FHIT: variants seen among roughly 807,000 people sequenced by gnomAD.
FHIT encodes the protein fragile histidine triad diadenosine triphosphatase, also known as bis(5'-adenosyl)-triphosphatase.
A neutral mutation model predicts 17.9 loss-of-function variants in FHIT; 19 were observed. The ratio of observed to expected loss-of-function variants is 1.06; its 90% CI spans 0.74 to 1.56. FHIT has a LOEUF of 1.56. FHIT is among the 40% of genes most tolerant of loss of function. FHIT has a pLI of 0.00. For missense variants in FHIT, 248 were observed against 189.2 expected (o/e 1.31, Z -1.82); for synonymous variants, 81 against 69.7 (o/e 1.16, Z -0.81).
chr3:60,985,672 C>G (rs868193854), intron 3 of FHIT, among the ~76,000 whole-genome samples: 2 of 152,230 alleles, frequency 1.3e-5, no homozygotes, highest in Non-Finnish European at 2.9e-5. Context: ...GGTTCCACCC[C>G]CAGAGTTTCT....
chr3:60,360,693 C>G (rs1051872361), intron 5 of FHIT, among the ~76,000 whole-genome samples: 6 of 152,154 alleles, frequency 3.9e-5, no homozygotes, highest in African/African-American at 1.4e-4. Context: ...TAAACCTGTT[C>G]TTTAATTCAA....
At chr3:60,238,001 C>T (rs997504146) in intron 5 of FHIT, among the ~76,000 whole-genome samples, 2 of 151,902 alleles carry the variant, frequency 1.3e-5, no homozygotes, top group Admixed American at 6.6e-5. Flanking sequence ...AAAAAATCAG[C>T]CAGGAATGGT....
intron 7 of FHIT, among the ~76,000 whole-genome samples, chr3:59,993,651 T>C (rs1435208254): frequency 6.6e-6 from 1 of 151,916 alleles, no homozygotes; most frequent in Non-Finnish European, 1.5e-5. Flanking sequence ...CTGAGGTTAT[T>C]ACCCACTTTC....
At chr3:59,966,601 T>C (rs1005296559) in intron 7 of FHIT, among the ~76,000 whole-genome samples, 1 of 152,138 alleles carries the variant, frequency 6.6e-6, no homozygotes, top group African/African-American at 2.4e-5. Flanking sequence ...AATACTGTAG[T>C]TAATGGTAAC....
intron 5 of FHIT, among the ~76,000 whole-genome samples, chr3:60,228,427 A>G (rs1704319792): frequency 1.3e-5 from 2 of 152,188 alleles, no homozygotes; most frequent in South Asian, 4.1e-4. Flanking sequence ...GAATACACTA[A>G]AAAAGCCACT....
chr3:60,391,955 G>C (rs1017796191), intron 5 of FHIT, among the ~76,000 whole-genome samples: 1 of 149,202 alleles, frequency 6.7e-6, no homozygotes, highest in African/African-American at 2.5e-5. Context: ...TTTTAATTCT[G>C]ATTACTCTTT....
chr3:60,888,883 A>C (rs1360329712), intron 3 of FHIT, among the ~76,000 whole-genome samples: 2 of 152,250 alleles, frequency 1.3e-5, no homozygotes, highest in African/African-American at 4.8e-5. Flanking sequence ...ATGGTAAATC[A>C]AGATATTGAC....
intron 2 of FHIT, among the ~76,000 whole-genome samples, chr3:61,196,828 T>C (rs886702983): frequency 6.6e-5 from 10 of 152,190 alleles, no homozygotes; most frequent in African/African-American, 2.2e-4. Flanking sequence ...GATACAGCCA[T>C]TGCCAACCCA....
intron 1 of FHIT, among the ~76,000 whole-genome samples, chr3:61,244,967 G>C (rs1387514780): frequency 6.6e-6 from 1 of 152,122 alleles, no homozygotes; most frequent in East Asian, 1.9e-4. Flanking sequence ...AGTCAACCAA[G>C]AACCTGAGGG....
chr3:60,677,430 T>A (rs2040646288), intron 4 of FHIT, among the ~76,000 whole-genome samples: 1 of 152,198 alleles, frequency 6.6e-6, no homozygotes, highest in Non-Finnish European at 1.5e-5. Flanking sequence ...TCTGAGTTTT[T>A]TCACTTAAGA....
intron 2 of FHIT, among the ~76,000 whole-genome samples, chr3:61,141,604 T>C (rs1320794775): frequency 6.9e-6 from 1 of 145,120 alleles, no homozygotes; most frequent in Non-Finnish European, 1.6e-5. Context: ...AAACTATCTC[T>C]TACGATGTAG....
chr3:59,990,610 A>G (rs562816560), intron 7 of FHIT, among the ~76,000 whole-genome samples: 19 of 152,148 alleles, frequency 1.2e-4, no homozygotes, highest in African/African-American at 2.4e-5. Context: ...CTGCATCATG[A>G]TAACTCTTGG....
intron 5 of FHIT, among the ~76,000 whole-genome samples, chr3:60,281,535 C>T (rs1707453094): frequency 6.6e-6 from 1 of 150,556 alleles, no homozygotes; most frequent in Non-Finnish European, 1.5e-5. Context: ...CCAATACAAA[C>T]ATAAACAACT....
chr3:60,077,639 A>T (rs530716955), intron 5 of FHIT: 3 of 151,508 alleles, frequency 2.0e-5, no homozygotes, highest in East Asian at 2.0e-4. Flanking sequence ...ATAAAAACTG[A>T]TAATATCCCA....
chr3:60,562,401 T>C (rs575798640), intron 4 of FHIT, among the ~76,000 whole-genome samples: 5 of 152,246 alleles, frequency 3.3e-5, no homozygotes, highest in African/African-American at 1.2e-4. Flanking sequence ...GCAGGACTGT[T>C]GTTTGAGATA....
chr3:60,388,284 T>C (rs1010407186), intron 5 of FHIT, among the ~76,000 whole-genome samples: 2 of 152,156 alleles, frequency 1.3e-5, no homozygotes, highest in Non-Finnish European at 2.9e-5. Context: ...GATAGCCTTC[T>C]GCACAAGGCA....
chr3:60,208,206 A>C (rs1207550519), intron 5 of FHIT, among the ~76,000 whole-genome samples: 3 of 152,228 alleles, frequency 2.0e-5, no homozygotes, highest in African/African-American at 7.2e-5. Context: ...TGACGTGTTA[A>C]GCTGAGGAAA....
chr3:59,888,735 C>CA (rs1240420391), intron 8 of FHIT, among the ~76,000 whole-genome samples: 2 of 152,180 alleles, frequency 1.3e-5, no homozygotes, highest in East Asian at 3.9e-4. Context: ...TAGAAAGACT[C>CA]AGAGTTTGGC....
At chr3:60,955,615 T>TAC (rs1559862343) in intron 3 of FHIT, among the ~76,000 whole-genome samples, 45 of 12,352 alleles carry the variant, frequency 3.6e-3, no homozygotes, top group South Asian at 0.015. Context: ...TATATATATA[T>TAC]ATATATATAT....
Sources: allele counts gnomAD v4.1 joint callset (sites outside exome capture counted in the v4.1 genomes callset), GRCh38; gene constraint gnomAD v4.1.1; transcripts MANE v1.5; gene names NCBI Gene and HGNC (gene_info 2026-07-23, HGNC 2026-07-21).